The following SYCE3 variants were observed in gnomAD, a reference collection of about 807,000 sequenced individuals.
SYCE3 encodes the protein synaptonemal complex central element protein 3.
Under a neutral mutation model 8.1 loss-of-function variants are expected in SYCE3, and 3 were observed. That is an observed-to-expected ratio of 0.37 (90% CI 0.17 to 0.96). The LOEUF is 0.96. Ranked by LOEUF, SYCE3 falls within the 40% of genes least tolerant of loss-of-function variation. The pLI, the probability that SYCE3 is intolerant of heterozygous loss-of-function variation, is 0.41. For synonymous variants in SYCE3, 36 were observed against 38.7 expected, an observed-to-expected ratio of 0.93 and a Z score of 0.26; for missense variants, 83 against 110.0, an observed-to-expected ratio of 0.75 and a Z score of 1.10.
At chr22:50,555,262 C>G (rs1007310898) in intron 2 of SYCE3, among the ~76,000 whole-genome samples, 3 of 152,202 alleles carry the variant, frequency 2.0e-5, no homozygotes, top group African/African-American at 7.2e-5. Context: ...TGATACGTGT[C>G]TCAGCTATTC....
chr22:50,561,401 G>T (rs144055359), intron 1 of SYCE3, among the ~76,000 whole-genome samples: 3 of 152,026 alleles, frequency 2.0e-5, no homozygotes, highest in African/African-American at 7.3e-5. Flanking sequence ...TAGAATTCAC[G>T]GCATTTCTTG....
chr22:50,560,325 A>C (rs192539757), intron 1 of SYCE3, among the ~76,000 whole-genome samples: 2 of 152,090 alleles, frequency 1.3e-5, no homozygotes, highest in African/African-American at 4.8e-5. Context: ...AGTCTCTACA[A>C]AAAAATTTAA....
At chr22:50,551,528 A>G (rs1007256659) in intron 2 of SYCE3, 126 bp from the exon 3 acceptor site, 17 of 1,002,486 alleles carry the variant, frequency 1.7e-5, no homozygotes, top group Non-Finnish European at 2.3e-5. Context: ...GAGGCACCCA[A>G]TTACTCTAGG....
rs60714079 is a variant in SYCE3, at chr22:50,557,157, GT to G, written c.1-753del. ...GACAAATTTTTGGTAATTTTTTTGAGTTTTTTTTTTTTTTTTGAGACGAAGT... is the reference window on the plus strand; with the variant it reads ...GACAAATTTTTGGTAATTTTTTTGAGTTTTTTTTTTTTTTTGAGACGAAGT... On this transcript the variant is annotated intron_variant, in intron 1 of 2. Coordinates refer to ENST00000406915, the MANE Select transcript of SYCE3 (RefSeq NM_001123225.3). Among the ~76,000 whole-genome samples, 1,049 of 137,988 alleles carry G rather than the reference GT, an allele frequency of 7.6e-3. 7 individuals are homozygous for G. The highest frequency in any genetic ancestry group is 0.025 in the African/African-American group (935 of 37,242). 90.5% of individuals were successfully genotyped at this position (137,988 alleles called of 152,430 possible).
intron 2 of SYCE3, among the ~76,000 whole-genome samples, chr22:50,555,763 C>T (rs1321296811): frequency 4.6e-5 from 7 of 151,558 alleles, no homozygotes; most frequent in Non-Finnish European, 1.0e-4. Context: ...TTTGAGTTGT[C>T]CCACCTTTCC....
chr22:50,553,618 C>A (rs749819693), intron 2 of SYCE3, among the ~76,000 whole-genome samples: 2 of 152,088 alleles, frequency 1.3e-5, no homozygotes, highest in African/African-American at 4.8e-5. Context: ...AGTCTCGCTC[C>A]GTCACCCAGG....
At chr22:50,555,652 A>G (rs939081231) in intron 2 of SYCE3, among the ~76,000 whole-genome samples, 6 of 152,178 alleles carry the variant, frequency 3.9e-5, no homozygotes, top group Admixed American at 6.5e-5. Context: ...CATAACCCAG[A>G]CATTCCTTTC....
Position 50,556,301 on chromosome 22 carries a change from G to A in SYCE3, c.105C>T (p.Ile35=). 6.5e-7 allele frequency: 1 copy of A among 1,549,420 alleles called. No individual in the cohort carries two copies. Among genetic ancestry groups the A allele is most frequent in the East Asian group, 2.4e-5 (1 of 40,920 alleles). The change falls in exon 2 of 3, where the codon ATC becomes ATT. Residue 35 remains isoleucine (I), a synonymous_variant. Coordinates refer to ENST00000406915, the MANE Select transcript of SYCE3 (RefSeq NM_001123225.3). ...TTTTGGGTTCACACATCCTACCTGA[G>A]ATTTTCTCCATCTCTTCTAATAGCT... ...LEKLLEEMEK[I]SVQATWMAYD...
In SYCE3 at chr22:50,561,874, G is replaced by A. The variant is rs1444065171; in HGVS notation, c.-1+984C>T. Among the ~76,000 whole-genome samples, 4 of 149,556 alleles carry A rather than the reference G, an allele frequency of 2.7e-5. No homozygotes were observed. The East Asian group carries it at 8.2e-4, about 31-fold the overall frequency. ...GAAGTGCAGGTGGAGGAAGCCAGAG[G>A]TGCGTGTGGGAACTTGGGGTGTGAG... On this transcript the variant is annotated intron_variant, in intron 1 of 2. Transcript: ENST00000406915.
chr22:50,560,516 T>A (rs944778646), intron 1 of SYCE3, among the ~76,000 whole-genome samples: 4 of 151,900 alleles, frequency 2.6e-5, no homozygotes, highest in African/African-American at 9.7e-5. Context: ...ACTGGTCAAC[T>A]CGGTGAGACG....
intron 2 of SYCE3, among the ~76,000 whole-genome samples, chr22:50,552,176 A>G (rs2069815624): frequency 6.6e-6 from 1 of 152,186 alleles, no homozygotes; most frequent in African/African-American, 2.4e-5. Flanking sequence ...CCAACTGTAC[A>G]TAGCAAACAC....
At position 50,551,205 on chromosome 22, in the gene SYCE3, G is replaced by C; in HGVS notation, c.*40C>G. ...CATCCCCCAGTGACCTCTTCATACG[G>C]GCAGAGGGTGGCATGGCAGCTGTGG... On this transcript the variant is annotated 3_prime_UTR_variant, in exon 3 of 3. Transcript: ENST00000406915. The C allele has an allele frequency of 1.3e-6, 2 of 1,546,546 alleles. No homozygotes were observed. The highest frequency in any genetic ancestry group is 1.7e-6 in the Non-Finnish European group (2 of 1,143,756).
chr22:50,558,716 G>T (rs9628209), intron 1 of SYCE3, among the ~76,000 whole-genome samples: 11 of 152,222 alleles, frequency 7.2e-5, no homozygotes, highest in Non-Finnish European at 1.6e-4. Context: ...AGGGCAGGGG[G>T]CTAATAGTGG....
At chr22:50,559,262 G>A (rs2069890992) in intron 1 of SYCE3, among the ~76,000 whole-genome samples, 1 of 152,072 alleles carries the variant, frequency 6.6e-6, no homozygotes, top group African/African-American at 2.4e-5. Context: ...AAGTAGCTGG[G>A]ATTACAGGTG....
Position 50,556,281 on chromosome 22 carries a change from G to T in SYCE3, c.109+16C>A, listed in dbSNP as rs2069859745. The T allele has an allele frequency of 6.6e-7, 1 of 1,523,036 alleles. No individual in the cohort carries two copies. Among genetic ancestry groups the T allele is most frequent in the Non-Finnish European group, 8.9e-7 (1 of 1,121,938 alleles). 94.3% of individuals were successfully genotyped at this position (1,523,036 alleles called of 1,614,324 possible). A position where few individuals can be genotyped will look rare whatever the true frequency, so the allele number is the denominator to read the frequency against. On this transcript the variant is annotated intron_variant, in intron 2 of 2. Transcript: ENST00000406915. Reference sequence around the variant, plus strand: ...TTGAGACCTGTCTCAGATACTTTTGGGTTCACACATCCTACCTGAGATTTT... The same window carrying T: ...TTGAGACCTGTCTCAGATACTTTTGTGTTCACACATCCTACCTGAGATTTT...
At chr22:50,559,605 AG>A (rs2069894496) in intron 1 of SYCE3, among the ~76,000 whole-genome samples, 1 of 152,200 alleles carries the variant, frequency 6.6e-6, no homozygotes, top group Non-Finnish European at 1.5e-5. Flanking sequence ...ACTCCAGGTA[AG>A]GAATGATGAG....
At chr22:50,554,974 T>A (rs2069845132) in intron 2 of SYCE3, among the ~76,000 whole-genome samples, 1 of 150,624 alleles carries the variant, frequency 6.6e-6, no homozygotes, top group Admixed American at 6.6e-5. Flanking sequence ...TACAAAAAAT[T>A]AGCCAGGCGT....
At chr22:50,560,113 A>ATGTACCTGGAATGT in intron 1 of SYCE3, among the ~76,000 whole-genome samples, 1 of 152,252 alleles carries the variant, frequency 6.6e-6, no homozygotes, top group South Asian at 2.1e-4. Flanking sequence ...GAAGCAGAGA[A>ATGTACCTGGAATGT]ACATGCCAGT....
chr22:50,558,528 A>G (rs1320365832), intron 1 of SYCE3, among the ~76,000 whole-genome samples: 2 of 152,142 alleles, frequency 1.3e-5, no homozygotes, highest in Admixed American at 1.3e-4. Flanking sequence ...GCCCTCCAGG[A>G]GGCCTGACAG....
Sources: allele counts gnomAD v4.1 joint callset (sites outside exome capture counted in the v4.1 genomes callset), GRCh38; gene constraint gnomAD v4.1.1; transcripts MANE v1.5; gene names NCBI Gene and HGNC (gene_info 2026-07-23, HGNC 2026-07-21).